PSIP1: variants seen among roughly 807,000 people sequenced by gnomAD.
The protein encoded by PSIP1 is PC4 and SRSF1 interacting protein 1.
PSIP1 carries 19 observed loss-of-function variants against 74.7 expected under a neutral mutation model. The observed-to-expected ratio is 0.25, with a 90% confidence interval of 0.18 to 0.37. PSIP1 has a LOEUF of 0.37. Ranked by LOEUF, PSIP1 falls within the 10% of genes least tolerant of loss-of-function variation. The probability of loss-of-function intolerance (pLI) is 1.00; values close to 1 mark genes in which losing one functional copy is unlikely to be tolerated. For missense variants in PSIP1, 601 were observed against 614.3 expected (o/e 0.98, Z 0.23); for synonymous variants, 222 against 195.3 (o/e 1.14, Z -1.14).
chr9:15,506,829 T>G (rs1361987719), intron 2 of PSIP1, among the ~76,000 whole-genome samples, 192 bp from the exon 3 acceptor site: 1 of 152,240 alleles, frequency 6.6e-6, no homozygotes, highest in Non-Finnish European at 1.5e-5. Flanking sequence ...AAAACTCATT[T>G]GGTGGCAAAA....
chr9:15,470,958 A>C (rs995780752), intron 10 of PSIP1: 18 of 1,061,736 alleles, frequency 1.7e-5, no homozygotes, highest in African/African-American at 1.1e-4. Flanking sequence ...AAAAAAAAAA[A>C]CAGGAATGAT....
intron 4 of PSIP1, among the ~76,000 whole-genome samples, chr9:15,487,274 A>G (rs527368672): frequency 1.3e-5 from 2 of 152,174 alleles, no homozygotes; most frequent in Admixed American, 1.3e-4. Context: ...ATAAAGGTGC[A>G]ATCACAGGAC....
At chr9:15,493,512 C>G (rs560299681) in intron 3 of PSIP1, among the ~76,000 whole-genome samples, 38 of 152,326 alleles carry the variant, frequency 2.5e-4, no homozygotes, top group African/African-American at 7.9e-4. Context: ...TTTCAGGTAT[C>G]TTTACAGCAT....
At chr9:15,477,325 T>C (rs1232668324) in intron 8 of PSIP1, among the ~76,000 whole-genome samples, 1 of 152,190 alleles carries the variant, frequency 6.6e-6, no homozygotes, top group Non-Finnish European at 1.5e-5. Flanking sequence ...CCACCTCACA[T>C]ACATATTTTT....
rs1340390745 is a variant in PSIP1, at chr9:15,465,091, CA to C, written c.*428del. 5.7e-5 allele frequency: 13 copies of C among 228,760 alleles called. No homozygotes were observed. The East Asian group carries it at 8.3e-4, about 15-fold the overall frequency. 14.2% of individuals were successfully genotyped at this position (228,760 alleles called of 1,614,324 possible). A position where few individuals can be genotyped will look rare whatever the true frequency, so the allele number is the denominator to read the frequency against. On this transcript the variant is annotated 3_prime_UTR_variant, in exon 16 of 16. Transcript: ENST00000380733. ...AAATGTGTAACTTCTACAAAACCCA[CA>C]AACAGTGAAAAGACAGTCTGGTAAA...
Position 15,479,679 on chromosome 9 carries a change from T to G in PSIP1, c.465A>C (p.Lys155Asn). 6.2e-7 allele frequency: 1 copy of G among 1,612,056 alleles called. No individual in the cohort carries two copies. Among genetic ancestry groups the G allele is most frequent in the East Asian group, 2.2e-5 (1 of 44,782 alleles). Residue 155 changes from lysine (K) to asparagine (N), a missense_variant, in exon 7 of 16, where the codon AAA (lysine) becomes AAC (asparagine). Lys to Asn is a moderately conservative substitution (Grantham distance 94). This residue lies in a region of PSIP1 where 538 missense variants were observed against 507.6 expected (regional missense o/e 1.06). Transcript: ENST00000380733. ...ARRGRKRKAEKQVETEEAGVV... is the reference protein window; with the variant it reads ...ARRGRKRKAENQVETEEAGVV... ...CTCCTGCCTCCTCAGTTTCTACTTG[T>G]TTTTCTGCCTGAATTACAAAAATTT...
rs1051309121 is a variant in PSIP1, at chr9:15,465,359, GATA to G, written c.*158_*160del. ...TTAATACTGCACAAGTACACTTAGC[GATA>G]ATGTTTACTTTACTTTAAAACAAAG... On this transcript the variant is annotated 3_prime_UTR_variant, in exon 16 of 16. Transcript: ENST00000380733. The G allele has an allele frequency of 2.1e-5, 13 of 610,842 alleles. No individual in the cohort carries two copies. The highest frequency in any genetic ancestry group is 1.3e-4 in the African/African-American group (7 of 52,570). The allele number at this position is 610,842 out of a possible 1,614,324, so 37.8% of individuals were successfully genotyped here. A position where few individuals can be genotyped will look rare whatever the true frequency, so the allele number is the denominator to read the frequency against.
rs2035446003 is a variant in PSIP1, at chr9:15,464,107, G to T, written c.*1413C>A. 1 of 180,480 alleles carries T rather than the reference G, an allele frequency of 5.5e-6. No individual in the cohort carries two copies. Among genetic ancestry groups the T allele is most frequent in the African/African-American group, 2.4e-5 (1 of 42,452 alleles). The allele number at this position is 180,480 out of a possible 1,614,324, so 11.2% of individuals were successfully genotyped here. A position where few individuals can be genotyped will look rare whatever the true frequency, so the allele number is the denominator to read the frequency against. ...TTTAATGAAAACAAGTTTACACGTT[G>T]AACTTATGGCTTAACTAGAATAAAT... On this transcript the variant is annotated 3_prime_UTR_variant, in exon 16 of 16. Coordinates refer to ENST00000380733, the MANE Select transcript of PSIP1 (RefSeq NM_033222.5).
At chr9:15,468,334 T>A (rs1279641311) in intron 14 of PSIP1, 6 of 602,542 alleles carry the variant, frequency 1.0e-5, no homozygotes, top group African/African-American at 1.8e-5. Context: ...GTGGGTACTC[T>A]AGGGATTAGG....
At chr9:15,498,797 G>A (rs2037201845) in intron 3 of PSIP1, among the ~76,000 whole-genome samples, 1 of 151,962 alleles carries the variant, frequency 6.6e-6, no homozygotes, top group Non-Finnish European at 1.5e-5. Flanking sequence ...ATTCTTCAAG[G>A]CATTCCACTT....
chr9:15,474,123 C>T lies in PSIP1; in HGVS notation c.744G>A (p.Pro248=), dbSNP rs370771319. 1.9e-5 allele frequency: 30 copies of T among 1,612,754 alleles called. 1 individual carries two copies. The Middle Eastern group carries it at 5.0e-4, about 27-fold the overall frequency. The change falls in exon 9 of 16, where the codon CCG becomes CCA. Residue 248 remains proline (P), a synonymous_variant. Coordinates refer to ENST00000380733, the MANE Select transcript of PSIP1 (RefSeq NM_033222.5). ...CTTCTTTCTTCCCCTCTTTTTTATC[C>T]GGCTCTTTTCTTGGCTTATCTTCTT... ...QKEEDKPRKE[P]DKKEGKKEVE... is the part of the protein sequence containing the mutation.
chr9:15,501,867 A>ATATATATATAT (rs1188842040), intron 3 of PSIP1, among the ~76,000 whole-genome samples: 9 of 144,426 alleles, frequency 6.2e-5, no homozygotes, highest in South Asian at 2.3e-4. Context: ...ATATATATAT[A>ATATATATATAT]AAACGCACAC....
intron 15 of PSIP1, 118 bp from the exon 16 acceptor site, chr9:15,465,698 A>G: frequency 1.3e-6 from 1 of 792,558 alleles, no homozygotes; most frequent in Non-Finnish European, 2.0e-6. Flanking sequence ...CCAACCAAAC[A>G]AAAGAAAAAC....
chr9:15,466,807 T>C lies in PSIP1; in HGVS notation c.1473A>G (p.Gln491=), dbSNP rs1356453934. Reference sequence around the variant, plus strand: ...TGTCTTCATTGCTCTCCCCGTTATGTTGTGGCTGATTACCATCTTGAGCAT... The same window carrying C: ...TGTCTTCATTGCTCTCCCCGTTATGCTGTGGCTGATTACCATCTTGAGCAT... ...GSDAQDGNQP[Q]HNGESNEDSK... The change falls in exon 15 of 16, where the codon CAA becomes CAG. Residue 491 remains glutamine (Q), a synonymous_variant. Transcript: ENST00000380733. 3.7e-6 allele frequency: 6 copies of C among 1,613,518 alleles called. No homozygotes were observed. The African/African-American group carries it at 5.3e-5, about 14-fold the overall frequency.
At chr9:15,477,934 TTGAGACCAGCCTGGGAACGA>T (rs1282663244) in intron 8 of PSIP1, among the ~76,000 whole-genome samples, 1 of 151,626 alleles carries the variant, frequency 6.6e-6, no homozygotes, top group Non-Finnish European at 1.5e-5. Flanking sequence ...GCCCAGGAGT[TTGAGACCAGCCTGGGAACGA>T]TGAGACCAGT....
intron 10 of PSIP1, 147 bp downstream of exon 10, chr9:15,472,485 A>G (rs2035881100): frequency 7.1e-7 from 1 of 1,414,972 alleles, no homozygotes; most frequent in African/African-American, 1.5e-5. Flanking sequence ...TAAGATCATC[A>G]TCATATATTG....
chr9:15,468,937 CAT>C lies in PSIP1; in HGVS notation c.1206+18_1206+19del, dbSNP rs1311577222. On this transcript the variant is annotated intron_variant, in intron 13 of 15. Transcript: ENST00000380733. ...GTAATGACAAAATTCAAAGAATCCA[CAT>C]GACTTGAAATCACTTACTTTTTTCA... is the stretch of plus-strand genomic sequence containing the variant. The C allele has an allele frequency of 3.2e-5, 51 of 1,609,166 alleles. No individual in the cohort carries two copies. The highest frequency in any genetic ancestry group is 3.3e-4 in the Middle Eastern group (2 of 6,068).
chr9:15,480,444 T>C (rs1030625678), intron 6 of PSIP1, among the ~76,000 whole-genome samples: 7 of 152,188 alleles, frequency 4.6e-5, no homozygotes, highest in East Asian at 1.9e-4. Flanking sequence ...TCCAATCTCA[T>C]TGATTAAAAA....
In PSIP1 at chr9:15,494,565, CAAAAAAA is replaced by C. The variant is rs57170853; in HGVS notation, c.150-4448_150-4442del. On this transcript the variant is annotated intron_variant, in intron 3 of 15. Coordinates refer to ENST00000380733, the MANE Select transcript of PSIP1 (RefSeq NM_033222.5). ...GGGCAACAAGAGCAAAACTGCATCT[CAAAAAAA>C]AAAAAAAAAAAAAAAAAAAAATACA... Among the ~76,000 whole-genome samples, 15 of 37,556 alleles carry C rather than the reference CAAAAAAA, an allele frequency of 4.0e-4. No homozygotes were observed. The South Asian group carries it at 0.011, about 29-fold the overall frequency. 24.6% of individuals were successfully genotyped at this position (37,556 alleles called of 152,430 possible).
Sources: gnomAD v4.1 joint callset for allele counts (sites outside exome capture counted in the v4.1 genomes callset) on GRCh38, gnomAD v4.1.1 for gene constraint, gnomAD v4.1.1 regional missense constraint, MANE v1.5 for transcripts, NCBI Gene and HGNC (gene_info 2026-07-23, HGNC 2026-07-21) for gene names.